Variants in GUCY1A2 observed in about 807,000 individuals in gnomAD.
GUCY1A2 encodes the protein guanylate cyclase soluble subunit alpha-2.
A neutral mutation model predicts 63.5 loss-of-function variants in GUCY1A2; 27 were observed. The ratio of observed to expected loss-of-function variants is 0.43; its 90% CI spans 0.31 to 0.59. The LOEUF (loss-of-function observed/expected upper bound fraction) is 0.59. GUCY1A2 is among the 20% of genes least tolerant of loss of function. The pLI, the probability that GUCY1A2 is intolerant of heterozygous loss-of-function variation, is 0.11. For missense variants in GUCY1A2, 768 were observed against 913.3 expected (o/e 0.84, Z 2.05); for synonymous variants, 364 against 343.5 (o/e 1.06, Z -0.66).
At chr11:106,953,721 G>A (rs571922294) in intron 3 of GUCY1A2, among the ~76,000 whole-genome samples, 4 of 152,074 alleles carry the variant, frequency 2.6e-5, no homozygotes, top group Admixed American at 6.5e-5. Context: ...GTCTATTCAG[G>A]GATTCAACTT....
intron 1 of GUCY1A2, among the ~76,000 whole-genome samples, chr11:106,993,096 A>C (rs1468767454): frequency 6.6e-6 from 1 of 152,230 alleles, no homozygotes; most frequent in African/African-American, 2.4e-5. Flanking sequence ...TGATGGTGTG[A>C]ATGAGCTTCT....
intron 6 of GUCY1A2, chr11:106,746,684 A>T: frequency 8.7e-7 from 1 of 1,149,356 alleles, no homozygotes; most frequent in Non-Finnish European, 1.3e-6. Flanking sequence ...ATCAAGGGAC[A>T]AAAATAAAAA....
chr11:106,885,687 T>C (rs1565320444), intron 4 of GUCY1A2, among the ~76,000 whole-genome samples: 1 of 152,142 alleles, frequency 6.6e-6, no homozygotes, highest in Non-Finnish European at 1.5e-5. Context: ...CACCATCCTA[T>C]TTACCTTAAA....
chr11:106,700,234 T>A (rs1862795938), intron 7 of GUCY1A2, among the ~76,000 whole-genome samples: 1 of 152,148 alleles, frequency 6.6e-6, no homozygotes, highest in Non-Finnish European at 1.5e-5. Context: ...TGCAACATTA[T>A]ATTCTGATTT....
At chr11:106,806,080 T>TAC (rs968830115) in intron 5 of GUCY1A2, among the ~76,000 whole-genome samples, 5 of 151,772 alleles carry the variant, frequency 3.3e-5, no homozygotes, top group Non-Finnish European at 7.4e-5. Context: ...TGTGTATATA[T>TAC]ACACACACAC....
At chr11:106,900,752 C>T (rs1860121157) in intron 4 of GUCY1A2, among the ~76,000 whole-genome samples, 2 of 152,262 alleles carry the variant, frequency 1.3e-5, no homozygotes, top group South Asian at 4.1e-4. Flanking sequence ...ATTATGTTTA[C>T]ACTATACTGT....
intron 4 of GUCY1A2, among the ~76,000 whole-genome samples, chr11:106,887,608 A>G (rs1483071104): frequency 6.6e-6 from 1 of 152,188 alleles, no homozygotes. Context: ...CCTCATGCCA[A>G]TCACTTCAAT....
intron 3 of GUCY1A2, among the ~76,000 whole-genome samples, chr11:106,961,332 A>G (rs1436767543): frequency 6.6e-6 from 1 of 152,086 alleles, no homozygotes; most frequent in Non-Finnish European, 1.5e-5. Context: ...GACTTAGTTT[A>G]TTCTTATAAA....
At chr11:107,002,561 T>C (rs1285192820) in intron 1 of GUCY1A2, among the ~76,000 whole-genome samples, 1 of 152,158 alleles carries the variant, frequency 6.6e-6, no homozygotes, top group Non-Finnish European at 1.5e-5. Flanking sequence ...ATGCTTATTT[T>C]TAGGAGGATA....
At chr11:106,887,153 C>A (rs563775960) in intron 4 of GUCY1A2, among the ~76,000 whole-genome samples, 1 of 152,142 alleles carries the variant, frequency 6.6e-6, no homozygotes, top group African/African-American at 2.4e-5. Flanking sequence ...TAAATTTATT[C>A]TTTTGATAAA....
chr11:106,741,535 G>A (rs1269921483), intron 6 of GUCY1A2, among the ~76,000 whole-genome samples: 1 of 152,166 alleles, frequency 6.6e-6, no homozygotes, highest in Non-Finnish European at 1.5e-5. Flanking sequence ...TGGAGCTTGG[G>A]AGAACAGGTT....
chr11:106,910,543 G>T (rs1160259605), intron 4 of GUCY1A2, among the ~76,000 whole-genome samples: 1 of 152,044 alleles, frequency 6.6e-6, no homozygotes, highest in Admixed American at 6.6e-5. Flanking sequence ...CCACGACAAT[G>T]TACATGTATC....
At chr11:106,717,007 C>G (rs892271804) in intron 6 of GUCY1A2, among the ~76,000 whole-genome samples, 1 of 151,980 alleles carries the variant, frequency 6.6e-6, no homozygotes, top group African/African-American at 2.4e-5. Context: ...GAAGGGAAAC[C>G]AAAGAGAACA....
chr11:106,708,135 C>A (rs966896204), intron 7 of GUCY1A2, among the ~76,000 whole-genome samples: 4 of 151,792 alleles, frequency 2.6e-5, no homozygotes, highest in African/African-American at 9.7e-5. Flanking sequence ...AACAGTCCAA[C>A]CACCTTTTCT....
intron 6 of GUCY1A2, chr11:106,746,513 C>T: frequency 9.3e-7 from 1 of 1,069,974 alleles, no homozygotes; most frequent in South Asian, 1.3e-5. Context: ...ATAGCTGTAT[C>T]CTCTGTTTTC....
intron 3 of GUCY1A2, among the ~76,000 whole-genome samples, chr11:106,952,504 T>C (rs538350124): frequency 1.4e-4 from 21 of 152,182 alleles, no homozygotes; most frequent in Non-Finnish European, 2.5e-4. Context: ...GTAGCAATTG[T>C]GAATGGGAGT....
At chr11:106,897,738 C>T (rs1002397969) in intron 4 of GUCY1A2, among the ~76,000 whole-genome samples, 29 of 150,674 alleles carry the variant, frequency 1.9e-4, no homozygotes, top group African/African-American at 6.8e-4. Context: ...ATGTTAAATG[C>T]AAAACTATAA....
At chr11:106,691,686 T>G (rs1862628862) in intron 7 of GUCY1A2, among the ~76,000 whole-genome samples, 1 of 152,232 alleles carries the variant, frequency 6.6e-6, no homozygotes, top group Non-Finnish European at 1.5e-5. Flanking sequence ...CTTGACATTT[T>G]AAATAGATCT....
At chr11:106,708,770 A>T in intron 6 of GUCY1A2, 104 bp from the exon 7 acceptor site, 1 of 682,416 alleles carries the variant, frequency 1.5e-6, no homozygotes, top group Non-Finnish European at 2.2e-6. Flanking sequence ...AATAAAAAAA[A>T]ACTATGAGCT....
Sources: gnomAD v4.1 joint callset for allele counts (sites outside exome capture counted in the v4.1 genomes callset) on GRCh38, gnomAD v4.1.1 for gene constraint, MANE v1.5 for transcripts, NCBI Gene and HGNC (gene_info 2026-07-23, HGNC 2026-07-21) for gene names.